Variants in ZNF43 observed in about 807,000 individuals in gnomAD.
The protein encoded by ZNF43 is zinc finger protein 39-like 1 (KOX 27).
ZNF43 carries 44 observed loss-of-function variants against 68.4 expected under a neutral mutation model. The ratio of observed to expected loss-of-function variants is 0.64; its 90% CI spans 0.51 to 0.83. The LOEUF is 0.83. Among genes scored for constraint, ZNF43 ranks in the 40% least tolerant of loss-of-function variants. The probability of loss-of-function intolerance (pLI) is 0.00; values close to 1 mark genes in which losing one functional copy is unlikely to be tolerated. For missense variants in ZNF43, 896 were observed against 933.2 expected (o/e 0.96, Z 0.52); for synonymous variants, 308 against 307.8 (o/e 1.00, Z -0.01).
At position 21,809,010 on chromosome 19, in the gene ZNF43, T is replaced by C. The variant is rs551937046; in HGVS notation, c.1027A>G (p.Thr343Ala). 1.2e-6 allele frequency: 2 copies of C among 1,613,626 alleles called. No homozygotes were observed. The highest frequency in any genetic ancestry group is 2.7e-5 in the African/African-American group (2 of 75,022). The change falls in exon 4 of 4, where the codon ACA (threonine) becomes GCA (alanine). Residue 343 changes from threonine (T) to alanine (A), a missense_variant. Transcript: ENST00000354959. ...KRIHTGEKPYTCEECGKAFNQ... is the reference protein window; with the variant it reads ...KRIHTGEKPYACEECGKAFNQ... Reference sequence around the variant, plus strand: ...AAGGCTTTGCCACATTCTTCACATGTGTAGGGTTTCTCTCCAGTATGAATT... The same window carrying C: ...AAGGCTTTGCCACATTCTTCACATGCGTAGGGTTTCTCTCCAGTATGAATT...
At chr19:21,851,802 C>T in intron 1 of ZNF43, 4 of 1,297,752 alleles carry the variant, frequency 3.1e-6, no homozygotes, top group Non-Finnish European at 4.1e-6. Flanking sequence ...TGGGGCGGAG[C>T]TGCGCCAGCG....
chr19:21,852,032 A>G, exon 1 of ZNF43: 1 of 1,374,918 alleles, frequency 7.3e-7, no homozygotes, highest in Non-Finnish European at 9.8e-7. Context: ...GGAAAAGCAG[A>G]GGCGGGTCCC....
chr19:21,845,123 C>T (rs535624447), intron 1 of ZNF43, among the ~76,000 whole-genome samples: 5 of 151,136 alleles, frequency 3.3e-5, no homozygotes, highest in South Asian at 2.1e-4. Context: ...AAGATGGGCA[C>T]GGGCAGCAAG....
chr19:21,838,338 A>T (rs764562501), upstream of ZNF43, among the ~76,000 whole-genome samples: 14 of 152,064 alleles, frequency 9.2e-5, no homozygotes, highest in East Asian at 3.9e-4. Flanking sequence ...AGAGGTTAAT[A>T]AAAAAAACTC....
chr19:21,848,585 G>A (rs1968121618), intron 1 of ZNF43, among the ~76,000 whole-genome samples: 1 of 152,200 alleles, frequency 6.6e-6, no homozygotes. Context: ...CCCATAAAAA[G>A]AGGAGAGTCA....
In ZNF43 at chr19:21,805,169, AATAT is replaced by A. The variant is rs1007859632; in HGVS notation, c.*2434_*2437del. ...ATCAAAACATGTTATATATTGCATA[AATAT>A]ATACACATTTGGCCAGGTGCAGTGG... On this transcript the variant is annotated 3_prime_UTR_variant, in exon 4 of 4. Transcript: ENST00000354959. The A allele has an allele frequency of 1.2e-4, 18 of 152,140 alleles. No homozygotes were observed. Among genetic ancestry groups the A allele is most frequent in the African/African-American group, 4.3e-4 (18 of 41,444 alleles). The allele number at this position is 152,140 out of a possible 1,614,324, so 9.4% of individuals were successfully genotyped here. A position where few individuals can be genotyped will look rare whatever the true frequency, so the allele number is the denominator to read the frequency against.
Position 21,809,596 on chromosome 19 carries a change from T to G in ZNF43, c.441A>C (p.Leu147=). 1 of 1,612,022 alleles carries G rather than the reference T, an allele frequency of 6.2e-7. No homozygotes were observed. Among genetic ancestry groups the G allele is most frequent in the South Asian group, 1.1e-5 (1 of 90,910 alleles). Residue 147 remains leucine (L), a synonymous_variant, in exon 4 of 4, where the codon CTA becomes CTC. Coordinates refer to ENST00000354959, the MANE Select transcript of ZNF43 (RefSeq NM_003423.4). Reference sequence around the variant, plus strand: ...GAAAGGCTTTCACACATTTATCAAATAGAAATATTTTGCTCTGGGTAGCTG... The same window carrying G: ...GAAAGGCTTTCACACATTTATCAAAGAGAAATATTTTGCTCTGGGTAGCTG... ...CLPATQSKIF[L]FDKCVKAFHK...
At chr19:21,810,504 A>T (rs2037224419) in intron 3 of ZNF43, among the ~76,000 whole-genome samples, 1 of 152,228 alleles carries the variant, frequency 6.6e-6, no homozygotes, top group East Asian at 1.9e-4. Context: ...CTGCAGCATG[A>T]GGTTTGGAAA....
At chr19:21,814,414 T>TC in intron 3 of ZNF43, among the ~76,000 whole-genome samples, 1 of 151,112 alleles carries the variant, frequency 6.6e-6, no homozygotes, top group East Asian at 1.9e-4. Context: ...TTGATCTCTT[T>TC]TTTTTTTTTT....
In ZNF43 at chr19:21,820,076, G is replaced by T. The variant is rs980924993; in HGVS notation, c.4-855C>A. On this transcript the variant is annotated intron_variant, in intron 1 of 3. Coordinates refer to ENST00000354959, the MANE Select transcript of ZNF43 (RefSeq NM_003423.4). ...TAGCCAAGCGTGGTAGCACATGCCT[G>T]TAGTCCCAGTTACTCAAGGGGCTGA... is the stretch of plus-strand genomic sequence containing the variant. 3.1e-4 allele frequency among the ~76,000 whole-genome samples: 47 copies of T among 151,808 alleles called. 1 individual carries two copies. Among genetic ancestry groups the T allele is most frequent in the African/African-American group, 1.1e-3 (44 of 41,376 alleles).
upstream of ZNF43, chr19:21,840,487 A>C (rs1313445613): frequency 1.3e-5 from 2 of 152,218 alleles, no homozygotes; most frequent in African/African-American, 2.4e-5. Flanking sequence ...TGAGAGCCTC[A>C]ATCTTTGCCG....
chr19:21,809,216 G>T lies in ZNF43; in HGVS notation c.821C>A (p.Thr274Asn). The T allele has an allele frequency of 6.2e-7, 1 of 1,613,522 alleles. No homozygotes were observed. Among genetic ancestry groups the T allele is most frequent in the East Asian group, 2.2e-5 (1 of 44,856 alleles). ...GKAFNKSSILTTHKIIRTGEK... is the reference protein window; with the variant it reads ...GKAFNKSSILNTHKIIRTGEK... ...TCCAGTGCGAATTATCTTATGGGTAGTAAGGATTGAGGACTTGTTAAAAGC... is the reference window on the plus strand; with the variant it reads ...TCCAGTGCGAATTATCTTATGGGTATTAAGGATTGAGGACTTGTTAAAAGC... Residue 274 changes from threonine (T) to asparagine (N), a missense_variant, in exon 4 of 4, where the codon ACT (threonine) becomes AAT (asparagine). Coordinates refer to ENST00000354959, the MANE Select transcript of ZNF43 (RefSeq NM_003423.4).
chr19:21,832,589 A>T (rs2038473821), intron 1 of ZNF43, among the ~76,000 whole-genome samples: 1 of 152,200 alleles, frequency 6.6e-6, no homozygotes, highest in African/African-American at 2.4e-5. Context: ...CAGACTAACT[A>T]AACAAGACAA....
intron 3 of ZNF43, among the ~76,000 whole-genome samples, chr19:21,811,184 T>C (rs2037252540): frequency 6.6e-6 from 1 of 152,106 alleles, no homozygotes; most frequent in African/African-American, 2.4e-5. Flanking sequence ...TACATAAAAT[T>C]CAATGGTACA....
intron 1 of ZNF43, among the ~76,000 whole-genome samples, chr19:21,822,806 GAA>G (rs995944477): frequency 7.0e-6 from 1 of 143,608 alleles, no homozygotes; most frequent in Non-Finnish European, 1.5e-5. Context: ...CTCCGTCTCA[GAA>G]AAAAAAAAAA....
intron 1 of ZNF43, among the ~76,000 whole-genome samples, chr19:21,834,941 TAAAA>T (rs35243760): frequency 2.0e-4 from 27 of 132,120 alleles, no homozygotes; most frequent in South Asian, 7.4e-4. Flanking sequence ...AAATGTACAC[TAAAA>T]AAAAAAAAAA....
intron 1 of ZNF43, among the ~76,000 whole-genome samples, chr19:21,848,765 C>T (rs774950488): frequency 6.6e-6 from 1 of 152,162 alleles, no homozygotes; most frequent in Non-Finnish European, 1.5e-5. Context: ...TGAGAGTCAC[C>T]ACATTCTCTA....
At position 21,809,530 on chromosome 19, in the gene ZNF43, A is replaced by G. The variant is rs1455630391; in HGVS notation, c.507T>C (p.Thr169=). ...SNSNRHKISH[T]EKKLFKCKEC... is the part of the protein sequence containing the mutation. ...CTTTGCATTTGAAAAGTTTTTTTTC[A>G]GTATGGCTTATCTTATGTCTGTTTG... The change falls in exon 4 of 4, where the codon ACT becomes ACC. Residue 169 remains threonine (T), a synonymous_variant. Transcript: ENST00000354959. 1.2e-6 allele frequency: 2 copies of G among 1,613,476 alleles called. No individual in the cohort carries two copies.
chr19:21,844,993 A>G (rs1967854845), intron 1 of ZNF43, among the ~76,000 whole-genome samples: 1 of 146,584 alleles, frequency 6.8e-6, no homozygotes, highest in Non-Finnish European at 1.5e-5. Context: ...TGAGCAGGAG[A>G]GTCACATCAC....
Sources: allele counts gnomAD v4.1 joint callset (sites outside exome capture counted in the v4.1 genomes callset), GRCh38; gene constraint gnomAD v4.1.1; transcripts MANE v1.5; gene names NCBI Gene and HGNC (gene_info 2026-07-23, HGNC 2026-07-21).